The following ITPR2 variants were observed in gnomAD, a reference collection of about 807,000 sequenced individuals.
The protein encoded by ITPR2 is inositol 1,4,5-trisphosphate-gated calcium channel ITPR2.
ITPR2 carries 207 observed loss-of-function variants against 317.1 expected under a neutral mutation model. The ratio of observed to expected loss-of-function variants is 0.65; its 90% CI spans 0.58 to 0.73. The LOEUF (loss-of-function observed/expected upper bound fraction) is 0.73, where lower values mean the gene tolerates loss of function less well. Ranked by LOEUF, ITPR2 falls within the 30% of genes least tolerant of loss-of-function variation. The probability of loss-of-function intolerance (pLI) is 0.00; values close to 1 mark genes in which losing one functional copy is unlikely to be tolerated. For missense variants in ITPR2, 2,613 were observed against 3,284.0 expected (o/e 0.80, Z 4.99); for synonymous variants, 1,156 against 1,149.1 (o/e 1.01, Z -0.12).
chr12:26,616,402 G>A (rs1344164191), intron 26 of ITPR2, among the ~76,000 whole-genome samples: 1 of 152,084 alleles, frequency 6.6e-6, no homozygotes, highest in Non-Finnish European at 1.5e-5. Context: ...CTCCCAAAGT[G>A]CAGGGATTAC....
chr12:26,339,720 C>A (rs550247685), intron 56 of ITPR2, among the ~76,000 whole-genome samples: 1 of 152,164 alleles, frequency 6.6e-6, no homozygotes, highest in African/African-American at 2.4e-5. Context: ...TCTTGCCTGT[C>A]ACATAGCTGT....
intron 37 of ITPR2, among the ~76,000 whole-genome samples, chr12:26,499,901 A>G (rs1943032591): frequency 6.6e-6 from 1 of 152,228 alleles, no homozygotes; most frequent in African/African-American, 2.4e-5. Context: ...TACCCTTACA[A>G]CTTCAACTAA....
chr12:26,376,540 T>C (rs1939348755), intron 55 of ITPR2, among the ~76,000 whole-genome samples: 1 of 148,068 alleles, frequency 6.8e-6, no homozygotes, highest in Non-Finnish European at 1.5e-5. Flanking sequence ...TCTTTCTGCC[T>C]GTTTATTTTT....
intron 55 of ITPR2, among the ~76,000 whole-genome samples, chr12:26,372,647 T>C (rs1279230848): frequency 6.6e-6 from 1 of 152,228 alleles, no homozygotes; most frequent in Non-Finnish European, 1.5e-5. Flanking sequence ...AAGTGAGTTA[T>C]ACATCAGAAA....
At chr12:26,545,001 T>C (rs189329050) in intron 37 of ITPR2, among the ~76,000 whole-genome samples, 9 of 152,328 alleles carry the variant, frequency 5.9e-5, no homozygotes, top group Admixed American at 5.2e-4. Flanking sequence ...AGCAAAGTGC[T>C]ATAGATTCCA....
chr12:26,426,986 C>A (rs1941080140), intron 49 of ITPR2, among the ~76,000 whole-genome samples: 3 of 151,786 alleles, frequency 2.0e-5, no homozygotes, highest in Admixed American at 6.6e-5. Flanking sequence ...TAATTGTTCA[C>A]TCATTCATTC....
intron 49 of ITPR2, among the ~76,000 whole-genome samples, chr12:26,420,081 T>C (rs928118142): frequency 1.3e-5 from 2 of 152,192 alleles, no homozygotes; most frequent in Admixed American, 6.5e-5. Context: ...TTTTGGAATG[T>C]AGAAATTTAT....
In ITPR2 at chr12:26,556,432, C is replaced by T. The variant is rs1463837091; in HGVS notation, c.4822-57G>A. The T allele has an allele frequency of 3.4e-5, 52 of 1,538,476 alleles. No individual in the cohort carries two copies. In the East Asian group the frequency reaches 9.2e-4, roughly 27 times the overall value. ...AAGGCGTAAGTCAGATTTCATCTTT[C>T]GAAGATAAGACAAGCTCAAGAATAC... On this transcript the variant is annotated intron_variant, in intron 35 of 56. Coordinates refer to ENST00000381340, the MANE Select transcript of ITPR2 (RefSeq NM_002223.4).
At chr12:26,561,486 G>A (rs144865480) in intron 35 of ITPR2, among the ~76,000 whole-genome samples, 7 of 152,160 alleles carry the variant, frequency 4.6e-5, no homozygotes, top group African/African-American at 7.2e-5. Context: ...ATTTACCAGT[G>A]TTATCATTGC....
rs144836518 is a variant in ITPR2, at chr12:26,742,594, C to T, written c.164-16829G>A. The stretch of plus-strand genomic sequence containing the variant: ...CTTTGGGAGGCTGAGGCAGATGGAT[C>T]GCCTGAGGTCAGGAGTTTGAGACCA... On this transcript the variant is annotated intron_variant, in intron 2 of 56. Coordinates refer to ENST00000381340, the MANE Select transcript of ITPR2 (RefSeq NM_002223.4). Among the ~76,000 whole-genome samples, 146 of 152,186 alleles carry T rather than the reference C, an allele frequency of 9.6e-4. 1 individual carries two copies. The highest frequency in any genetic ancestry group is 3.4e-3 in the African/African-American group (143 of 41,514).
chr12:26,713,104 GC>G (rs1177061683), intron 8 of ITPR2, among the ~76,000 whole-genome samples: 2 of 152,184 alleles, frequency 1.3e-5, no homozygotes, highest in African/African-American at 4.8e-5. Context: ...GCTGACTAGT[GC>G]CCGCTCCTAC....
chr12:26,432,953 A>G (rs1941253595), intron 48 of ITPR2, among the ~76,000 whole-genome samples: 1 of 152,146 alleles, frequency 6.6e-6, no homozygotes, highest in Non-Finnish European at 1.5e-5. Flanking sequence ...AGCCTGTTTG[A>G]CCAAATCCAG....
Position 26,443,615 on chromosome 12 carries a change from G to C in ITPR2, c.6378C>G (p.Leu2126=). 1 of 1,613,108 alleles carries C rather than the reference G, an allele frequency of 6.2e-7. No individual in the cohort carries two copies. The highest frequency in any genetic ancestry group is 8.5e-7 in the Non-Finnish European group (1 of 1,179,278). The change falls in exon 46 of 57, where the codon CTC becomes CTG. Residue 2126 remains leucine (L), a synonymous_variant. Transcript: ENST00000381340. ...CTTCATCTGGATCCGATCCTGGTTT[G>C]AGCATCTGCTGCAACAGTTTATTGT... ...ARHNKLLQQM[L]KPGSDPDEGD...
chr12:26,711,218 C>T lies in ITPR2; in HGVS notation c.906G>A (p.Leu302=). Residue 302 remains leucine, a synonymous_variant, in exon 9 of 57, where the codon TTG becomes TTA. Transcript: ENST00000381340. ...CAGTTGCAAGATGCTTAAATCTGAACAAGCTGTTCCACTGTCCTGCACCCC... is the reference window on the plus strand; with the variant it reads ...CAGTTGCAAGATGCTTAAATCTGAATAAGCTGTTCCACTGTCCTGCACCCC... The part of the protein sequence containing the change: ...CRGGAGQWNS[L]FRFKHLATGN... 1 of 1,613,938 alleles carries T rather than the reference C, an allele frequency of 6.2e-7. No individual in the cohort carries two copies. The highest frequency in any genetic ancestry group is 8.5e-7 in the Non-Finnish European group (1 of 1,179,912).
chr12:26,772,528 T>TAC (rs1308467017), intron 2 of ITPR2, among the ~76,000 whole-genome samples: 2 of 136,940 alleles, frequency 1.5e-5, no homozygotes, highest in Non-Finnish European at 3.1e-5. Context: ...CATTATTATA[T>TAC]ATAATACATG....
chr12:26,726,901 A>C (rs73292395), intron 2 of ITPR2, among the ~76,000 whole-genome samples: 14,793 of 152,182 alleles, frequency 0.097, 1,931 homozygotes, highest in African/African-American at 0.3. Flanking sequence ...TTTTTCTATA[A>C]GAACACATAT....
At chr12:26,593,739 T>TGGG (rs200879334) in intron 32 of ITPR2, among the ~76,000 whole-genome samples, 3 of 147,540 alleles carry the variant, frequency 2.0e-5, no homozygotes, top group Admixed American at 6.7e-5. Context: ...ATTTTTTTGT[T>TGGG]TTTTTTTTTG....
In ITPR2 at chr12:26,495,080, A is replaced by T. The variant is rs1942901864; in HGVS notation, c.5182+72T>A. ...TTTATATATCTGCCATTTCAGTAAA[A>T]TACTAGAGTAACACTGACATGAAGA... On this transcript the variant is annotated intron_variant, in intron 38 of 56. Transcript: ENST00000381340. The T allele has an allele frequency of 3.6e-6, 3 of 835,478 alleles. No individual in the cohort carries two copies. The African/African-American group carries it at 5.1e-5, about 14-fold the overall frequency. 51.8% of individuals were successfully genotyped at this position (835,478 alleles called of 1,614,324 possible).
At chr12:26,581,363 T>C (rs1412853950) in intron 32 of ITPR2, among the ~76,000 whole-genome samples, 1 of 152,164 alleles carries the variant, frequency 6.6e-6, no homozygotes, top group Non-Finnish European at 1.5e-5. Context: ...TCTGAGCAGT[T>C]CACTTTTTCC....
Sources: gnomAD v4.1 joint callset for allele counts (sites outside exome capture counted in the v4.1 genomes callset) on GRCh38, gnomAD v4.1.1 for gene constraint, MANE v1.5 for transcripts, NCBI Gene and HGNC (gene_info 2026-07-23, HGNC 2026-07-21) for gene names.